Variants in SNTG1 observed in about 807,000 individuals in gnomAD.
The protein encoded by SNTG1 is gamma-1-syntrophin.
In SNTG1, 39 loss-of-function variants were observed where a neutral mutation model predicts 74.7. The observed-to-expected ratio is 0.52, with a 90% CI of 0.40 to 0.68. The LOEUF is 0.68. Ranked by LOEUF, SNTG1 falls within the 30% of genes least tolerant of loss-of-function variation. The pLI, the probability that SNTG1 is intolerant of heterozygous loss-of-function variation, is 0.00. For missense variants in SNTG1, 685 were observed against 609.5 expected (o/e 1.12, Z -1.30); for synonymous variants, 254 against 217.1 (o/e 1.17, Z -1.49).
intron 12 of SNTG1, among the ~76,000 whole-genome samples, chr8:50,581,990 A>G (rs2094613118): frequency 6.6e-6 from 1 of 152,156 alleles, no homozygotes; most frequent in African/African-American, 2.4e-5. Context: ...GTCCTTGGAA[A>G]CAGTTCTTTT....
chr8:50,368,461 G>A (rs963397853), intron 2 of SNTG1, among the ~76,000 whole-genome samples: 2 of 152,120 alleles, frequency 1.3e-5, no homozygotes, highest in Non-Finnish European at 2.9e-5. Context: ...GCAAAAACTG[G>A]AGAAGTCTGT....
At chr8:50,647,826 C>A (rs1225610840) in intron 13 of SNTG1, among the ~76,000 whole-genome samples, 1 of 151,922 alleles carries the variant, frequency 6.6e-6, no homozygotes, top group Non-Finnish European at 1.5e-5. Context: ...TAGGGAAATT[C>A]TCCTTTTAAT....
At chr8:50,633,441 C>T (rs2131125584) in intron 13 of SNTG1, among the ~76,000 whole-genome samples, 1 of 152,290 alleles carries the variant, frequency 6.6e-6, no homozygotes, top group Non-Finnish European at 1.5e-5. Context: ...TAGAACTTTA[C>T]CTGGCTCACC....
At chr8:50,031,011 A>C (rs2130753691) in intron 1 of SNTG1, among the ~76,000 whole-genome samples, 1 of 152,022 alleles carries the variant, frequency 6.6e-6, no homozygotes, top group East Asian at 1.9e-4. Context: ...TTTTGGTGTC[A>C]GCAGTCCTTT....
At chr8:49,995,568 G>A (rs1279244020) in intron 1 of SNTG1, among the ~76,000 whole-genome samples, 1 of 152,220 alleles carries the variant, frequency 6.6e-6, no homozygotes, top group Non-Finnish European at 1.5e-5. Context: ...GGTTTTTGCA[G>A]AGCTGGCAGA....
intron 1 of SNTG1, among the ~76,000 whole-genome samples, chr8:50,159,390 T>C (rs1227262026): frequency 6.6e-6 from 1 of 152,204 alleles, no homozygotes; most frequent in Non-Finnish European, 1.5e-5. Context: ...ATTATTTGCC[T>C]ACTGTTGGCT....
At chr8:50,416,762 G>A (rs1049288389) in intron 4 of SNTG1, among the ~76,000 whole-genome samples, 1 of 152,006 alleles carries the variant, frequency 6.6e-6, no homozygotes, top group Admixed American at 6.6e-5. Flanking sequence ...TGAAGACTTT[G>A]ACATCCATGT....
chr8:50,201,688 A>G (rs942502769), intron 2 of SNTG1, among the ~76,000 whole-genome samples: 3 of 152,100 alleles, frequency 2.0e-5, no homozygotes, highest in African/African-American at 7.2e-5. Flanking sequence ...GTAGCTCTTG[A>G]TGTGCTTTTC....
Position 50,708,944 on chromosome 8 carries a change from G to A in SNTG1, c.1250G>A (p.Ser417Asn), listed in dbSNP as rs1291605124. 3 of 1,613,794 alleles carry A rather than the reference G, an allele frequency of 1.9e-6. No homozygotes were observed. In the South Asian group the frequency reaches 3.3e-5, roughly 18 times the overall value. Residue 417 changes from serine to asparagine, a missense_variant, in exon 17 of 19, where the codon AGC (serine) becomes AAC (asparagine). By Grantham distance (46) the Ser-to-Asn change is conservative. Transcript: ENST00000642720. ...CTAATGGGACTCACAATTGATTTCA[G>A]CACAGGATTTATCTGCTTTGATGCT... ...SHLMGLTIDF[S>N]TGFICFDAAT...
At chr8:50,128,001 A>G (rs1313347821) in intron 1 of SNTG1, among the ~76,000 whole-genome samples, 1 of 152,086 alleles carries the variant, frequency 6.6e-6, no homozygotes, top group Non-Finnish European at 1.5e-5. Flanking sequence ...TAGATTGGGG[A>G]GAGAGTCTAA....
intron 1 of SNTG1, among the ~76,000 whole-genome samples, chr8:49,980,737 G>A (rs1812605030): frequency 6.6e-6 from 1 of 151,906 alleles, no homozygotes; most frequent in South Asian, 2.1e-4. Context: ...TTTTGATAAT[G>A]TGGCTCTGGG....
At chr8:50,366,214 C>T (rs978270099) in intron 2 of SNTG1, among the ~76,000 whole-genome samples, 1 of 152,122 alleles carries the variant, frequency 6.6e-6, no homozygotes, top group African/African-American at 2.4e-5. Context: ...AGGACCTCTG[C>T]ATGTTAGAGC....
chr8:50,769,764 G>A (rs2095622636), intron 18 of SNTG1, among the ~76,000 whole-genome samples: 1 of 151,998 alleles, frequency 6.6e-6, no homozygotes, highest in South Asian at 2.1e-4. Context: ...AATTTAATAT[G>A]AGAAGAACAG....
intron 1 of SNTG1, among the ~76,000 whole-genome samples, chr8:50,161,943 A>C (rs2082430518): frequency 6.6e-6 from 1 of 152,130 alleles, no homozygotes; most frequent in African/African-American, 2.4e-5. Flanking sequence ...AATCCTTCAC[A>C]ACCTGGCCGA....
intron 12 of SNTG1, among the ~76,000 whole-genome samples, chr8:50,581,429 C>T (rs2094609045): frequency 6.6e-6 from 1 of 152,130 alleles, no homozygotes; most frequent in Non-Finnish European, 1.5e-5. Flanking sequence ...TCTATATTTT[C>T]TACTGATACT....
intron 18 of SNTG1, among the ~76,000 whole-genome samples, chr8:50,759,606 A>T (rs183059988): frequency 6.6e-6 from 1 of 152,016 alleles, no homozygotes; most frequent in African/African-American, 2.4e-5. Flanking sequence ...TTTGTGAAAG[A>T]TCAGATGGTT....
intron 2 of SNTG1, chr8:50,381,150 T>C (rs1437345275): frequency 1.3e-5 from 2 of 152,186 alleles, no homozygotes; most frequent in African/African-American, 4.8e-5. Context: ...GCATTGCAGT[T>C]CTCATCTCCA....
chr8:50,074,044 G>C (rs893371877), intron 1 of SNTG1, among the ~76,000 whole-genome samples: 2 of 151,270 alleles, frequency 1.3e-5, no homozygotes, highest in Non-Finnish European at 2.9e-5. Flanking sequence ...CCTAACAATA[G>C]AGTCAGTTAG....
intron 1 of SNTG1, among the ~76,000 whole-genome samples, chr8:50,104,934 A>G (rs2080306180): frequency 6.6e-6 from 1 of 152,128 alleles, no homozygotes; most frequent in Non-Finnish European, 1.5e-5. Context: ...GATTATGCAT[A>G]TTAGACTGTT....
Sources: gnomAD v4.1 joint callset for allele counts (sites outside exome capture counted in the v4.1 genomes callset) on GRCh38, gnomAD v4.1.1 for gene constraint, MANE v1.5 for transcripts, NCBI Gene and HGNC (gene_info 2026-07-23, HGNC 2026-07-21) for gene names.